The following SMYD2 variants were observed in gnomAD, a reference collection of about 807,000 sequenced individuals.
SMYD2 encodes the protein SET and MYND domain containing 2, also known as N-lysine methyltransferase SMYD2.
SMYD2 carries 53 observed loss-of-function variants against 59.1 expected under a neutral mutation model. The observed-to-expected ratio is 0.90, with a 90% CI of 0.72 to 1.13. SMYD2 has a LOEUF of 1.13. Ranked by LOEUF, SMYD2 falls within the 50% of genes most tolerant of loss-of-function variation. The probability of loss-of-function intolerance (pLI) is 0.00; values close to 1 mark genes in which losing one functional copy is unlikely to be tolerated. For synonymous variants in SMYD2, 208 were observed against 198.8 expected, an observed-to-expected ratio of 1.05 and a Z score of -0.39; for missense variants, 494 against 544.7, an observed-to-expected ratio of 0.91 and a Z score of 0.93.
At chr1:214,331,264 A>C in intron 9 of SMYD2, 194 bp downstream of exon 9, 1 of 744,818 alleles carries the variant, frequency 1.3e-6, no homozygotes, top group Non-Finnish European at 2.0e-6. Context: ...GTATGATTTT[A>C]TTTCCCCTTA....
intron 1 of SMYD2, among the ~76,000 whole-genome samples, chr1:214,296,183 C>G: frequency 6.6e-6 from 1 of 152,234 alleles, no homozygotes; most frequent in East Asian, 1.9e-4. Flanking sequence ...CCAACAGCAC[C>G]TGCGGCAACG....
At chr1:214,314,276 A>G (rs1031908281) in intron 2 of SMYD2, among the ~76,000 whole-genome samples, 6 of 151,946 alleles carry the variant, frequency 3.9e-5, no homozygotes, top group African/African-American at 1.2e-4. Context: ...CCTTCATGAA[A>G]CCCTCATTTG....
intron 7 of SMYD2, among the ~76,000 whole-genome samples, chr1:214,328,546 C>G (rs960423608): frequency 3.3e-5 from 5 of 152,210 alleles, no homozygotes; most frequent in African/African-American, 1.2e-4. Flanking sequence ...AAATTCCCAG[C>G]AAGACACATG....
chr1:214,309,355 T>C (rs1656964060), intron 2 of SMYD2, among the ~76,000 whole-genome samples: 1 of 152,212 alleles, frequency 6.6e-6, no homozygotes, highest in African/African-American at 2.4e-5. Flanking sequence ...AAGCAAAGTA[T>C]ATTACTCATT....
intron 5 of SMYD2, among the ~76,000 whole-genome samples, chr1:214,323,731 G>A (rs959922960): frequency 3.3e-5 from 5 of 151,328 alleles, no homozygotes; most frequent in East Asian, 4.0e-4. Context: ...GTGAGCCAGC[G>A]GGCCCGTACA....
intron 8 of SMYD2, 133 bp from the exon 9 acceptor site, chr1:214,330,817 C>G: frequency 1.5e-6 from 2 of 1,368,680 alleles, no homozygotes; most frequent in Non-Finnish European, 2.0e-6. Context: ...GCCTGATTTC[C>G]TTTCATTCTT....
At chr1:214,328,975 G>C (rs1325900243) in intron 7 of SMYD2, among the ~76,000 whole-genome samples, 4 of 152,228 alleles carry the variant, frequency 2.6e-5, no homozygotes, top group Non-Finnish European at 4.4e-5. Flanking sequence ...GCTCAGTCTG[G>C]CTGGGAGCAG....
At position 214,302,338 on chromosome 1, in the gene SMYD2, C is replaced by CAA. The variant is rs35149670; in HGVS notation, c.174-2835_174-2834dup. Reference sequence around the variant, plus strand: ...TGGGCAACAGAGCAAGACTCCGTTTCAAAAAAAAAAAAAAATACAGTGTTT... The same window carrying CAA: ...TGGGCAACAGAGCAAGACTCCGTTTCAAAAAAAAAAAAAAAAATACAGTGTTT... On this transcript the variant is annotated intron_variant, in intron 1 of 11. Coordinates refer to ENST00000366957, the MANE Select transcript of SMYD2 (RefSeq NM_020197.3). Among the ~76,000 whole-genome samples the CAA allele has an allele frequency of 8.6e-3, 1,198 of 138,600 alleles. 6 individuals are homozygous for CAA. Among genetic ancestry groups the CAA allele is most frequent in the Middle Eastern group, 0.031 (8 of 258 alleles). 90.9% of individuals were successfully genotyped at this position (138,600 alleles called of 152,430 possible).
chr1:214,323,938 T>G (rs1258110410), intron 5 of SMYD2, among the ~76,000 whole-genome samples: 1 of 152,080 alleles, frequency 6.6e-6, no homozygotes, highest in Non-Finnish European at 1.5e-5. Flanking sequence ...ATTGATTCCT[T>G]TTTTTTGAGA....
At chr1:214,296,597 C>A (rs561794759) in intron 1 of SMYD2, among the ~76,000 whole-genome samples, 2 of 152,118 alleles carry the variant, frequency 1.3e-5, no homozygotes, top group African/African-American at 4.8e-5. Flanking sequence ...ATTTATTGAA[C>A]GTTTACAGTG....
At chr1:214,311,964 G>A (rs1657004853) in intron 2 of SMYD2, among the ~76,000 whole-genome samples, 1 of 152,124 alleles carries the variant, frequency 6.6e-6, no homozygotes, top group Admixed American at 6.5e-5. Flanking sequence ...TATCCCGAGG[G>A]TCATCTCTGT....
Position 214,299,636 on chromosome 1 carries a change from ACT to A in SMYD2, c.174-5546_174-5545del, listed in dbSNP as rs201494376. Among the ~76,000 whole-genome samples, 1,435 of 151,862 alleles carry A rather than the reference ACT, an allele frequency of 9.4e-3. 27 individuals are homozygous for A. Among genetic ancestry groups the A allele is most frequent in the African/African-American group, 0.033 (1,346 of 41,378 alleles). ...TTCTTTGTTGTTGTTGTTGAGACAG[ACT>A]CTCTGTTGCCCAGGCTGGAGTGCAG... On this transcript the variant is annotated intron_variant, in intron 1 of 11. Coordinates refer to ENST00000366957, the MANE Select transcript of SMYD2 (RefSeq NM_020197.3).
At chr1:214,295,239 G>GTA (rs1656705625) in intron 1 of SMYD2, among the ~76,000 whole-genome samples, 1 of 152,198 alleles carries the variant, frequency 6.6e-6, no homozygotes, top group African/African-American at 2.4e-5. Context: ...TTAAAAGTGT[G>GTA]TACATTCATT....
At chr1:214,295,905 C>T (rs1478174486) in intron 1 of SMYD2, among the ~76,000 whole-genome samples, 1 of 152,208 alleles carries the variant, frequency 6.6e-6, no homozygotes, top group Non-Finnish European at 1.5e-5. Flanking sequence ...GGGAGGCTAA[C>T]TTTGTTTCTG....
chr1:214,318,722 C>G lies in SMYD2; in HGVS notation c.410-137C>G, dbSNP rs983665260. The G allele has an allele frequency of 3.0e-6, 3 of 1,008,402 alleles. No individual in the cohort carries two copies. The highest frequency in any genetic ancestry group is 2.8e-6 in the Non-Finnish European group (2 of 708,130). The allele number at this position is 1,008,402 out of a possible 1,614,324, so 62.5% of individuals were successfully genotyped here. On this transcript the variant is annotated intron_variant, in intron 4 of 11. Transcript: ENST00000366957. The surrounding 1 kb of genome is among the most constrained non-coding windows in gnomAD (Gnocchi z 5.4). The stretch of plus-strand genomic sequence containing the variant: ...ACCAAGTAATGGGGAAGAATGTTCT[C>G]TGGGGGTTCAACATGTTAGTTTTGG...
At position 214,331,048 on chromosome 1, in the gene SMYD2, C is replaced by T; in HGVS notation, c.915C>T (p.Phe305=). The change falls in exon 9 of 12, where the codon TTC becomes TTT. Residue 305 remains phenylalanine, a synonymous_variant. Coordinates refer to ENST00000366957, the MANE Select transcript of SMYD2 (RefSeq NM_020197.3). ...VRYARNVIEE[F]RRAKHYKSPS... ...ATGCACGCAACGTCATTGAAGAGTT[C>T]CGGAGGGCCAAGCACTATAAATATA... The T allele has an allele frequency of 1.2e-6, 2 of 1,614,208 alleles. No individual in the cohort carries two copies. Among genetic ancestry groups the T allele is most frequent in the African/African-American group, 1.3e-5 (1 of 75,058 alleles).
chr1:214,298,090 T>A (rs1311909984), intron 1 of SMYD2, among the ~76,000 whole-genome samples: 1 of 152,118 alleles, frequency 6.6e-6, no homozygotes, highest in Non-Finnish European at 1.5e-5. Context: ...AGACCCCAAA[T>A]AGCCAAAGCA....
intron 1 of SMYD2, among the ~76,000 whole-genome samples, chr1:214,285,152 C>G (rs1230833827): frequency 6.6e-6 from 1 of 151,178 alleles, no homozygotes; most frequent in Non-Finnish European, 1.5e-5. Flanking sequence ...TGAGCCAAAC[C>G]CTGTGATTAA....
In SMYD2 at chr1:214,323,003, C is replaced by T. The variant is rs546183902; in HGVS notation, c.535-1638C>T. On this transcript the variant is annotated intron_variant, in intron 5 of 11. Coordinates refer to ENST00000366957, the MANE Select transcript of SMYD2 (RefSeq NM_020197.3). The stretch of plus-strand genomic sequence containing the variant: ...CAGAAGAGAGTGGGGTGGAATCGTT[C>T]AGTGTGAGTGCCTCACGGACAGAGA... Among the ~76,000 whole-genome samples the T allele has an allele frequency of 2.0e-5, 3 of 152,284 alleles. No individual in the cohort carries two copies. The South Asian group carries it at 6.2e-4, about 32-fold the overall frequency.
Sources: allele counts gnomAD v4.1 joint callset (sites outside exome capture counted in the v4.1 genomes callset), GRCh38; gene constraint gnomAD v4.1.1; non-coding constraint Gnocchi (gnomAD v3.1); transcripts MANE v1.5; gene names NCBI Gene and HGNC (gene_info 2026-07-23, HGNC 2026-07-21).